The following TAOK1 variants were observed in gnomAD, a reference collection of about 807,000 sequenced individuals.
The protein encoded by TAOK1 is serine/threonine-protein kinase TAO1.
Under a neutral mutation model 138.3 loss-of-function variants are expected in TAOK1, and 21 were observed. The ratio of observed to expected loss-of-function variants is 0.15; its 90% CI spans 0.11 to 0.22. TAOK1 has a LOEUF of 0.22. Among genes scored for constraint, TAOK1 ranks in the 10% least tolerant of loss-of-function variants. The pLI, the probability that TAOK1 is intolerant of heterozygous loss-of-function variation, is 1.00. For missense variants in TAOK1, 651 were observed against 1,227.7 expected, an observed-to-expected ratio of 0.53 and a Z score of 7.02; for synonymous variants, 361 against 398.4, an observed-to-expected ratio of 0.91 and a Z score of 1.12.
chr17:29,497,521 A>G (rs2031437243), intron 11 of TAOK1, among the ~76,000 whole-genome samples: 2 of 152,156 alleles, frequency 1.3e-5, no homozygotes, highest in African/African-American at 2.4e-5. Context: ...GAATTCTGGT[A>G]TGGTAAGACT....
intron 1 of TAOK1, among the ~76,000 whole-genome samples, chr17:29,422,014 C>T (rs1905460504): frequency 6.6e-6 from 1 of 151,942 alleles, no homozygotes; most frequent in Non-Finnish European, 1.5e-5. Context: ...TCTCCTGCCT[C>T]AGCCTCCCGA....
chr17:29,429,677 G>C (rs1015787974), intron 1 of TAOK1, among the ~76,000 whole-genome samples: 2 of 152,128 alleles, frequency 1.3e-5, no homozygotes, highest in African/African-American at 4.8e-5. Context: ...ATTTTGTCCA[G>C]ATTTTCCACT....
At chr17:29,430,457 C>T (rs900832089) in intron 1 of TAOK1, among the ~76,000 whole-genome samples, 15 of 152,100 alleles carry the variant, frequency 9.9e-5, no homozygotes. Context: ...TGTAACTTCG[C>T]ATCTGCAAAA....
chr17:29,421,854 C>CGGCT (rs528666538), intron 1 of TAOK1, among the ~76,000 whole-genome samples: 420 of 152,072 alleles, frequency 2.8e-3, no homozygotes, highest in Admixed American at 5.6e-3. Flanking sequence ...CCTCGCCACT[C>CGGCT]GGCTTCCTAT....
intron 17 of TAOK1, among the ~76,000 whole-genome samples, chr17:29,524,702 A>G (rs1037477941): frequency 1.3e-5 from 2 of 152,210 alleles, no homozygotes; most frequent in Non-Finnish European, 2.9e-5. Context: ...TGCCTCTTTC[A>G]ATTTTCTCCT....
chr17:29,514,508 T>TA (rs2031778736), intron 15 of TAOK1: 1 of 152,098 alleles, frequency 6.6e-6, no homozygotes, highest in African/African-American at 2.4e-5. Flanking sequence ...CACAGACGCA[T>TA]ACCACCATGC....
chr17:29,450,438 T>C (rs2030202366), intron 1 of TAOK1, among the ~76,000 whole-genome samples: 1 of 152,148 alleles, frequency 6.6e-6, no homozygotes, highest in Admixed American at 6.5e-5. Context: ...TCAGAACTAG[T>C]GTTGCTGGGA....
intron 18 of TAOK1, 109 bp downstream of exon 18, chr17:29,530,728 A>T: frequency 1.1e-6 from 1 of 901,260 alleles, no homozygotes; most frequent in Non-Finnish European, 1.8e-6. Context: ...GCTCTCCTGA[A>T]GCTTGGGAAA....
intron 19 of TAOK1, among the ~76,000 whole-genome samples, chr17:29,536,395 C>A (rs919629936): frequency 1.3e-5 from 2 of 151,884 alleles, no homozygotes; most frequent in Admixed American, 1.3e-4. Flanking sequence ...CAGGGGAGAT[C>A]GAAACCATCC....
chr17:29,543,771 T>C lies in TAOK1; in HGVS notation c.*749T>C, dbSNP rs1217575032. The C allele has an allele frequency of 1.3e-5, 2 of 152,210 alleles. No individual in the cohort carries two copies. 9.4% of individuals were successfully genotyped at this position (152,210 alleles called of 1,614,324 possible). ...TGTGAGTGATTTTTGTCCATTCAAT[T>C]GTGCCTTCTTTGTATTATGATAAGA... On this transcript the variant is annotated 3_prime_UTR_variant, in exon 20 of 20. Coordinates refer to ENST00000261716, the MANE Select transcript of TAOK1 (RefSeq NM_020791.4).
chr17:29,403,557 C>G (rs1038163116), intron 1 of TAOK1, among the ~76,000 whole-genome samples: 11 of 152,020 alleles, frequency 7.2e-5, no homozygotes, highest in African/African-American at 1.2e-4. Context: ...TAAGTAATCT[C>G]CTGCTGCATA....
At chr17:29,535,512 T>A (rs1421213442) in intron 19 of TAOK1, among the ~76,000 whole-genome samples, 1 of 152,162 alleles carries the variant, frequency 6.6e-6, no homozygotes, top group Non-Finnish European at 1.5e-5. Flanking sequence ...ATTTTTCCTC[T>A]ATTTCCTATA....
intron 7 of TAOK1, 52 bp downstream of exon 7, chr17:29,480,533 A>T: frequency 6.9e-7 from 1 of 1,451,654 alleles, no homozygotes; most frequent in Non-Finnish European, 9.5e-7. Context: ...GTCTATGTTT[A>T]ACATGAAATA....
intron 19 of TAOK1, among the ~76,000 whole-genome samples, chr17:29,538,035 C>G (rs1028322690): frequency 2.7e-5 from 4 of 149,862 alleles, no homozygotes; most frequent in African/African-American, 9.9e-5. Context: ...TCGCTTCAAC[C>G]TGGGAGGCAG....
At chr17:29,528,742 A>G (rs2032054067) in intron 17 of TAOK1, among the ~76,000 whole-genome samples, 1 of 145,540 alleles carries the variant, frequency 6.9e-6, no homozygotes, top group Admixed American at 7.1e-5. Context: ...CAGGAGGCTG[A>G]GGCAGGAAAA....
chr17:29,418,957 T>G (rs1253637858), intron 1 of TAOK1, among the ~76,000 whole-genome samples: 8 of 151,694 alleles, frequency 5.3e-5, no homozygotes, highest in Admixed American at 5.3e-4. Context: ...TATGTATGTT[T>G]TAGAATCAGT....
At position 29,397,607 on chromosome 17, in the gene TAOK1, C is replaced by CCCAA. The variant is rs60665025; in HGVS notation, c.-95+6583_-95+6584insCCAA. On this transcript the variant is annotated intron_variant, in intron 1 of 19. Coordinates refer to ENST00000261716, the MANE Select transcript of TAOK1 (RefSeq NM_020791.4). ...AACAGAGTGAGATTCCGTCCCCCCC[C>CCCAA]AAAAAAATATATATATATATATACA... is the stretch of plus-strand genomic sequence containing the variant. 4.6e-3 allele frequency among the ~76,000 whole-genome samples: 438 copies of CCCAA among 94,518 alleles called. 19 individuals carry two copies. Among genetic ancestry groups the CCCAA allele is most frequent in the African/African-American group, 0.011 (199 of 18,704 alleles). 62.0% of individuals were successfully genotyped at this position (94,518 alleles called of 152,430 possible).
intron 2 of TAOK1, among the ~76,000 whole-genome samples, chr17:29,454,833 C>G (rs2030334364): frequency 2.0e-5 from 3 of 152,120 alleles, no homozygotes. Flanking sequence ...TCTCAAGTAG[C>G]TGGGACTACA....
intron 10 of TAOK1, among the ~76,000 whole-genome samples, chr17:29,492,185 A>G (rs953724157): frequency 6.6e-6 from 1 of 152,124 alleles, no homozygotes; most frequent in Non-Finnish European, 1.5e-5. Flanking sequence ...CAGTTCCATT[A>G]TACTTTAAAT....
Sources: allele counts gnomAD v4.1 joint callset (sites outside exome capture counted in the v4.1 genomes callset), GRCh38; gene constraint gnomAD v4.1.1; transcripts MANE v1.5; gene names NCBI Gene and HGNC (gene_info 2026-07-23, HGNC 2026-07-21).